Variants in CCL8 observed in about 807,000 individuals in gnomAD.
CCL8 encodes C-C motif chemokine 8.
Under a neutral mutation model 6.6 loss-of-function variants are expected in CCL8, and 3 were observed. That is an observed-to-expected ratio of 0.45 (90% CI 0.21 to 1.17). CCL8 has a LOEUF of 1.17. Among genes scored for constraint, CCL8 ranks in the 50% most tolerant of loss-of-function variants. The pLI is 0.24. For missense variants in CCL8, 127 were observed against 118.1 expected (o/e 1.08, Z -0.35); for synonymous variants, 49 against 41.8 (o/e 1.17, Z -0.67).
rs1008830198 is a variant in CCL8 at position 34,320,867 on chromosome 17, T to A, written c.260T>A (p.Met87Lys). The change falls in exon 3 of 3, where the codon ATG becomes AAG. Residue 87 changes from methionine to lysine, a missense_variant. Physicochemically the swap from Met to Lys is moderately conservative, Grantham distance 95. Transcript: ENST00000394620. The part of the protein sequence containing the change: ...DPKERWVRDS[M>K]KHLDQIFQNL... ...AAGGAGAGATGGGTCAGGGATTCCA[T>A]GAAGCATCTGGACCAAATATTTCAA... 2 of 1,611,222 alleles carry A rather than the reference T, an allele frequency of 1.2e-6. No individual in the cohort carries two copies. Among genetic ancestry groups the A allele is most frequent in the Non-Finnish European group, 1.7e-6 (2 of 1,178,774 alleles).
At chr17:34,320,169 T>A (rs1168709896) in intron 1 of CCL8, 100 bp from the exon 2 acceptor site, 1 of 733,642 alleles carries the variant, frequency 1.4e-6, no homozygotes, top group East Asian at 2.5e-5. Context: ...GAACTTGGGA[T>A]GGTGACTTCT....
chr17:34,320,657 C>T (rs1909492242), intron 2 of CCL8, 145 bp from the exon 3 acceptor site: 2 of 617,692 alleles, frequency 3.2e-6, no homozygotes, highest in Non-Finnish European at 2.9e-6. Flanking sequence ...GAGCTTCTTC[C>T]TCCCACTCTT....
chr17:34,319,483 C>G lies in CCL8; in HGVS notation c.-19C>G, dbSNP rs200834045. 6.3e-4 allele frequency: 1,017 copies of G among 1,612,502 alleles called. 13 individuals are homozygous for G. The South Asian group carries it at 0.011, about 17-fold the overall frequency. Reference sequence around the variant, plus strand: ...AACCTTCACCTCTCATGCTGAAGCTCACACCCTTGCCCTCCAAGATGAAGG... The same window carrying G: ...AACCTTCACCTCTCATGCTGAAGCTGACACCCTTGCCCTCCAAGATGAAGG... On this transcript the variant is annotated 5_prime_UTR_variant, in exon 1 of 3. Coordinates refer to ENST00000394620, the MANE Select transcript of CCL8 (RefSeq NM_005623.3).
At chr17:34,320,134 T>C (rs188075110) in intron 1 of CCL8, 135 bp from the exon 2 acceptor site, 1 of 626,836 alleles carries the variant, frequency 1.6e-6, no homozygotes, top group East Asian at 2.7e-5. Flanking sequence ...CAACATTTTA[T>C]CTCTGGGATC....
At chr17:34,320,772 C>A (rs370245492) in intron 2 of CCL8, 30 bp from the exon 3 acceptor site, 4 of 1,370,986 alleles carry the variant, frequency 2.9e-6, no homozygotes, top group Non-Finnish European at 4.1e-6. Flanking sequence ...TCAAAGTCTT[C>A]CATCTAATTG....
intron 1 of CCL8, 97 bp downstream of exon 1, chr17:34,319,674 AG>A: frequency 2.2e-6 from 2 of 901,162 alleles, no homozygotes; most frequent in African/African-American, 1.7e-5. Context: ...CTAAAGGCTC[AG>A]GTCACTGAGG....
intron 1 of CCL8, among the ~76,000 whole-genome samples, chr17:34,319,987 C>G (rs1257154556): frequency 6.6e-6 from 1 of 152,148 alleles, no homozygotes; most frequent in South Asian, 2.1e-4. Context: ...GACTGGGAAG[C>G]AAGGTATTGG....
At chr17:34,320,140 G>A in intron 1 of CCL8, 129 bp from the exon 2 acceptor site, 1 of 633,492 alleles carries the variant, frequency 1.6e-6, no homozygotes, top group Non-Finnish European at 2.8e-6. Context: ...TTTATCTCTG[G>A]GATCTGGACT....
rs1178453733 is a variant in CCL8, at chr17:34,320,330, GA to G, written c.139del (p.Arg47GlyfsTer18). ...NVINRKIPIQ[R>X]LESYTRITNI... ...TGATCAATAGGAAAATTCCTATCCA[GA>G]GGCTGGAGAGCTACACAAGAATCAC... On this transcript the variant is annotated frameshift_variant, in exon 2 of 3. Coordinates refer to ENST00000394620, the MANE Select transcript of CCL8 (RefSeq NM_005623.3). LOFTEE classifies it high-confidence loss of function. 1.2e-6 allele frequency: 2 copies of G among 1,613,700 alleles called. No individual in the cohort carries two copies. Among genetic ancestry groups the G allele is most frequent in the Non-Finnish European group, 1.7e-6 (2 of 1,179,800 alleles).
At chr17:34,320,210 T>G in intron 1 of CCL8, 59 bp from the exon 2 acceptor site, 2 of 1,037,300 alleles carry the variant, frequency 1.9e-6, no homozygotes, top group Non-Finnish European at 3.0e-6. Context: ...TTCTTTTCCT[T>G]ACAAATGCAC....
Position 34,319,595 on chromosome 17 carries a change from T to C in CCL8, c.76+18T>C. On this transcript the variant is annotated intron_variant, in intron 1 of 2. Coordinates refer to ENST00000394620, the MANE Select transcript of CCL8 (RefSeq NM_005623.3). The stretch of plus-strand genomic sequence containing the variant: ...TCAGCCAGGTAAGACCTCTCCCTTT[T>C]TAAGGGGAGACCAAAAGAGGAATTA... 6.3e-7 allele frequency: 1 copy of C among 1,582,272 alleles called. No homozygotes were observed. The highest frequency in any genetic ancestry group is 8.7e-7 in the Non-Finnish European group (1 of 1,152,184).
At chr17:34,320,525 A>G (rs3138036) in intron 2 of CCL8, 139 bp downstream of exon 2, 117,433 of 657,470 alleles carry the variant, frequency 0.18, 12,652 homozygotes, top group South Asian at 0.36. Flanking sequence ...AACTCAGTCC[A>G]TGAGAAGGAG....
rs1363176507 is a variant in CCL8 at position 34,320,931 on chromosome 17, C to G, written c.*24C>G. 3.4e-6 allele frequency: 5 copies of G among 1,481,552 alleles called. No individual in the cohort carries two copies. The allele number at this position is 1,481,552 out of a possible 1,614,324, so 91.8% of individuals were successfully genotyped here. ...GAGCCTTCATACATGGACTGAGAGTCAGAGCTTGAAGAAAAGCTTATTTAT... is the reference window on the plus strand; with the variant it reads ...GAGCCTTCATACATGGACTGAGAGTGAGAGCTTGAAGAAAAGCTTATTTAT... On this transcript the variant is annotated 3_prime_UTR_variant, in exon 3 of 3. Coordinates refer to ENST00000394620, the MANE Select transcript of CCL8 (RefSeq NM_005623.3).
At position 34,320,789 on chromosome 17, in the gene CCL8, C is replaced by G. The variant is rs778445623; in HGVS notation, c.195-13C>G. The G allele has an allele frequency of 6.5e-7, 1 of 1,547,978 alleles. No homozygotes were observed. The highest frequency in any genetic ancestry group is 8.9e-7 in the Non-Finnish European group (1 of 1,129,870). On this transcript the variant is annotated splice_polypyrimidine_tract_variant and intron_variant, in intron 2 of 2. Coordinates refer to ENST00000394620, the MANE Select transcript of CCL8 (RefSeq NM_005623.3). ...AAAGTCTTCCATCTAATTGTGCCCT[C>G]TCTCCCCCACAGCTTCAAGACCAAA...
intron 1 of CCL8, among the ~76,000 whole-genome samples, chr17:34,319,938 G>C (rs778640592): frequency 3.9e-5 from 6 of 152,144 alleles, no homozygotes; most frequent in Non-Finnish European, 7.4e-5. Context: ...GAATCTCAGC[G>C]TATGGCATAG....
At position 34,320,896 on chromosome 17, in the gene CCL8, C is replaced by A. The variant is rs1020631984; in HGVS notation, c.289C>A (p.Leu97Met). The A allele has an allele frequency of 6.2e-7, 1 of 1,606,264 alleles. No individual in the cohort carries two copies. Among genetic ancestry groups the A allele is most frequent in the Non-Finnish European group, 8.5e-7 (1 of 1,175,942 alleles). Residue 97 changes from leucine to methionine, a missense_variant, in exon 3 of 3, where the codon CTG (leucine) becomes ATG (methionine). Coordinates refer to ENST00000394620, the MANE Select transcript of CCL8 (RefSeq NM_005623.3). ...GCATCTGGACCAAATATTTCAAAATCTGAAGCCATGAGCCTTCATACATGG... is the reference window on the plus strand; with the variant it reads ...GCATCTGGACCAAATATTTCAAAATATGAAGCCATGAGCCTTCATACATGG... ...MKHLDQIFQN[L>M]KP
chr17:34,319,729 A>G (rs1169432894), intron 1 of CCL8, 152 bp downstream of exon 1: 1 of 604,712 alleles, frequency 1.7e-6, no homozygotes, highest in Non-Finnish European at 2.9e-6. Context: ...GGGAGGAGAC[A>G]GTGGAGCCGC....
intron 2 of CCL8, 147 bp downstream of exon 2, chr17:34,320,533 G>T: frequency 1.5e-6 from 1 of 650,556 alleles, no homozygotes. Context: ...CCATGAGAAG[G>T]AGTCCATAAC....
In CCL8 at chr17:34,319,586, T is replaced by A. The variant is rs761823803; in HGVS notation, c.76+9T>A. 29 of 1,606,592 alleles carry A rather than the reference T, an allele frequency of 1.8e-5. No individual in the cohort carries two copies. The highest frequency in any genetic ancestry group is 1.8e-5 in the Non-Finnish European group (21 of 1,174,000). On this transcript the variant is annotated intron_variant, in intron 1 of 2. Transcript: ENST00000394620. The stretch of plus-strand genomic sequence containing the variant: ...GGGACTTGCTCAGCCAGGTAAGACC[T>A]CTCCCTTTTTAAGGGGAGACCAAAA...
Sources: allele counts gnomAD v4.1 joint callset (sites outside exome capture counted in the v4.1 genomes callset), GRCh38; gene constraint gnomAD v4.1.1; transcripts MANE v1.5; gene names NCBI Gene and HGNC (gene_info 2026-07-23, HGNC 2026-07-21).